The following ADAM32 variants were observed in gnomAD, a reference collection of about 807,000 sequenced individuals.
ADAM32 encodes the protein ADAM metallopeptidase domain 32, also known as disintegrin and metalloproteinase domain-containing protein 32.
A neutral mutation model predicts 114.9 loss-of-function variants in ADAM32; 89 were observed. The observed-to-expected ratio is 0.77, with a 90% CI of 0.65 to 0.92. ADAM32 has a LOEUF of 0.92. Ranked by LOEUF, ADAM32 falls within the 40% of genes least tolerant of loss-of-function variation. The pLI is 0.00. For missense variants in ADAM32, 870 were observed against 932.8 expected, an observed-to-expected ratio of 0.93 and a Z score of 0.88; for synonymous variants, 285 against 307.5, an observed-to-expected ratio of 0.93 and a Z score of 0.77.
intron 20 of ADAM32, among the ~76,000 whole-genome samples, chr8:39,273,751 A>T: frequency 6.6e-6 from 1 of 151,296 alleles, no homozygotes. Context: ...GCAATAGGAG[A>T]AGTCTTTCCT....
chr8:39,157,591 C>T (rs141102646), intron 6 of ADAM32: 149 of 544,822 alleles, frequency 2.7e-4, no homozygotes, highest in African/African-American at 2.4e-3. Flanking sequence ...CCCATGAATG[C>T]TTCTTCTCCA....
intron 14 of ADAM32, among the ~76,000 whole-genome samples, chr8:39,226,211 G>A (rs1407615058): frequency 2.0e-5 from 3 of 152,060 alleles, no homozygotes; most frequent in East Asian, 1.9e-4. Flanking sequence ...AAAAAAGAAT[G>A]AAAAGGAATG....
chr8:39,139,511 TC>T (rs1803011460), intron 3 of ADAM32, among the ~76,000 whole-genome samples: 1 of 152,198 alleles, frequency 6.6e-6, no homozygotes, highest in Non-Finnish European at 1.5e-5. Flanking sequence ...TTCTGAGGCC[TC>T]CGTTCTGTTC....
chr8:39,215,414 C>T (rs555826819), intron 12 of ADAM32, among the ~76,000 whole-genome samples: 5 of 151,888 alleles, frequency 3.3e-5, no homozygotes, highest in African/African-American at 9.6e-5. Flanking sequence ...AATTCCTAGA[C>T]ATTTTATTTC....
chr8:39,157,471 C>G, intron 6 of ADAM32: 1 of 361,956 alleles, frequency 2.8e-6, no homozygotes, highest in Non-Finnish European at 5.3e-6. Context: ...TTTTTCTTCA[C>G]TCTTTTTTTT....
intron 11 of ADAM32, among the ~76,000 whole-genome samples, chr8:39,189,559 A>G (rs1806467065): frequency 2.0e-5 from 3 of 152,138 alleles, no homozygotes; most frequent in Admixed American, 1.3e-4. Context: ...GTGATGATCA[A>G]ATCAGGGTAT....
At position 39,201,694 on chromosome 8, in the gene ADAM32, C is replaced by G. The variant is rs1432649813; in HGVS notation, c.1053-9450C>G. On this transcript the variant is annotated intron_variant, in intron 11 of 24. Coordinates refer to ENST00000379907, the MANE Select transcript of ADAM32 (RefSeq NM_145004.7). ...ATACGAGTGGTAAGAGAGGGCATCC[C>G]TGTCTTGTGGCAGTTTTCAAAGAGA... Among the ~76,000 whole-genome samples, 6 of 152,308 alleles carry G rather than the reference C, an allele frequency of 3.9e-5. No homozygotes were observed. The East Asian group carries it at 7.7e-4, about 20-fold the overall frequency.
chr8:39,197,912 G>C (rs1400211718), intron 11 of ADAM32, among the ~76,000 whole-genome samples: 1 of 152,102 alleles, frequency 6.6e-6, no homozygotes, highest in East Asian at 1.9e-4. Flanking sequence ...GCTTCAAGAG[G>C]GGTGTTGGAG....
At position 39,253,010 on chromosome 8, in the gene ADAM32, G is replaced by T. The variant is rs572901897; in HGVS notation, c.1903-1404G>T. On this transcript the variant is annotated intron_variant, in intron 17 of 24. Coordinates refer to ENST00000379907, the MANE Select transcript of ADAM32 (RefSeq NM_145004.7). ...AAGAATTAAACAAGAAAATAAAATTGCAGGCTAATATATCTACAAACATGC... is the reference window on the plus strand; with the variant it reads ...AAGAATTAAACAAGAAAATAAAATTTCAGGCTAATATATCTACAAACATGC... 1.7e-3 allele frequency among the ~76,000 whole-genome samples: 260 copies of T among 151,696 alleles called. 6 individuals are homozygous for T. In the South Asian group the frequency reaches 0.052, roughly 30 times the overall value.
chr8:39,109,247 A>G (rs1259811768), intron 1 of ADAM32, among the ~76,000 whole-genome samples: 1 of 152,242 alleles, frequency 6.6e-6, no homozygotes, highest in Non-Finnish European at 1.5e-5. Flanking sequence ...CATTCATTAA[A>G]AATAAAAGTA....
At chr8:39,237,283 T>G (rs1810221036) in intron 16 of ADAM32, among the ~76,000 whole-genome samples, 1 of 152,108 alleles carries the variant, frequency 6.6e-6, no homozygotes, top group African/African-American at 2.4e-5. Flanking sequence ...CCAGTGGAAT[T>G]GGGGAAGGGC....
intron 17 of ADAM32, 42 bp from the exon 18 acceptor site, chr8:39,254,372 A>C (rs1288350099): frequency 7.5e-6 from 11 of 1,462,240 alleles, no homozygotes; most frequent in Non-Finnish European, 1.0e-5. Flanking sequence ...TCTCTGAGAA[A>C]ATATTTTAAA....
intron 2 of ADAM32, among the ~76,000 whole-genome samples, chr8:39,121,448 C>T (rs566826612): frequency 9.5e-5 from 14 of 146,614 alleles, no homozygotes; most frequent in African/African-American, 3.0e-4. Context: ...TGGGGCCAGT[C>T]GGGGGGTGGA....
intron 6 of ADAM32, among the ~76,000 whole-genome samples, chr8:39,159,527 A>G (rs1804355656): frequency 6.6e-6 from 1 of 152,188 alleles, no homozygotes; most frequent in Non-Finnish European, 1.5e-5. Context: ...TATATGCCTG[A>G]GGTTTTCAAA....
At chr8:39,218,582 A>T (rs1234820046) in intron 12 of ADAM32, among the ~76,000 whole-genome samples, 1 of 152,136 alleles carries the variant, frequency 6.6e-6, no homozygotes, top group Non-Finnish European at 1.5e-5. Context: ...CAACCACTTG[A>T]CACAGTCCTT....
chr8:39,118,714 G>A (rs1312917327), intron 2 of ADAM32, among the ~76,000 whole-genome samples: 1 of 152,166 alleles, frequency 6.6e-6, no homozygotes, highest in Non-Finnish European at 1.5e-5. Flanking sequence ...TTGCTTATAA[G>A]TGACCAATCT....
chr8:39,147,597 C>T (rs1377434199), intron 4 of ADAM32, among the ~76,000 whole-genome samples: 3 of 151,972 alleles, frequency 2.0e-5, no homozygotes, highest in Non-Finnish European at 4.4e-5. Context: ...ATAAATCCTA[C>T]TGACCCTGCC....
chr8:39,157,108 C>T (rs1209598287), intron 6 of ADAM32, among the ~76,000 whole-genome samples: 2 of 152,148 alleles, frequency 1.3e-5, no homozygotes, highest in Non-Finnish European at 2.9e-5. Context: ...CTTTAAATGT[C>T]ATCCCACTGC....
chr8:39,258,124 G>C (rs1021405965), intron 19 of ADAM32, among the ~76,000 whole-genome samples: 2 of 150,264 alleles, frequency 1.3e-5, no homozygotes, highest in Non-Finnish European at 3.0e-5. Flanking sequence ...TGGTTTGTTT[G>C]TTTTGTCTTT....
Sources: allele counts gnomAD v4.1 joint callset (sites outside exome capture counted in the v4.1 genomes callset), GRCh38; gene constraint gnomAD v4.1.1; transcripts MANE v1.5; gene names NCBI Gene and HGNC (gene_info 2026-07-23, HGNC 2026-07-21).